The following VPS35 variants were observed in gnomAD, a reference collection of about 807,000 sequenced individuals.
VPS35 encodes the protein vacuolar protein sorting-associated protein 35.
In VPS35, 21 loss-of-function variants were observed where a neutral mutation model predicts 98.1. That is an observed-to-expected ratio of 0.21 (90% CI 0.15 to 0.31). The LOEUF (loss-of-function observed/expected upper bound fraction) is 0.31, where lower values mean the gene tolerates loss of function less well. Ranked by LOEUF, VPS35 falls within the 10% of genes least tolerant of loss-of-function variation. The probability of loss-of-function intolerance (pLI) is 1.00; values close to 1 mark genes in which losing one functional copy is unlikely to be tolerated. For missense variants in VPS35, 554 were observed against 950.8 expected (o/e 0.58, Z 5.49); for synonymous variants, 268 against 318.2 (o/e 0.84, Z 1.68).
In VPS35 at chr16:46,659,406, T is replaced by G. The variant is rs1596707295; in HGVS notation, c.*1066A>C. The G allele has an allele frequency of 6.6e-6, 1 of 152,206 alleles. No homozygotes were observed. Among genetic ancestry groups the G allele is most frequent in the Non-Finnish European group, 1.5e-5 (1 of 68,038 alleles). 9.4% of individuals were successfully genotyped at this position (152,206 alleles called of 1,614,324 possible). On this transcript the variant is annotated 3_prime_UTR_variant, in exon 17 of 17. Transcript: ENST00000299138. Reference sequence around the variant, plus strand: ...TTTAAGACAGTAAGTTTTGGGATGGTTTATTATATAGTAGGTAACTAGTAT... The same window carrying G: ...TTTAAGACAGTAAGTTTTGGGATGGGTTATTATATAGTAGGTAACTAGTAT...
At position 46,668,903 on chromosome 16, in the gene VPS35, T is replaced by C. The variant is rs779712913; in HGVS notation, c.1647+27A>G. On this transcript the variant is annotated intron_variant, in intron 13 of 16. Transcript: ENST00000299138. ...CAGAGTGATGAAAGAGGAAAAAAAG[T>C]ACCTAAATACTTAAAAGTAAACTCA... 1.9e-6 allele frequency: 3 copies of C among 1,613,474 alleles called. No individual in the cohort carries two copies. In the South Asian group the frequency reaches 3.3e-5, roughly 18 times the overall value.
chr16:46,658,690 A>T lies in VPS35; in HGVS notation c.*1782T>A, dbSNP rs1965864812. On this transcript the variant is annotated 3_prime_UTR_variant, in exon 17 of 17. Coordinates refer to ENST00000299138, the MANE Select transcript of VPS35 (RefSeq NM_018206.6). ...TAATCAGGTTTATACGGGGTAAACT[A>T]ACACCTACAAAGAACAGAAAGGGTT... 2 of 152,348 alleles carry T rather than the reference A, an allele frequency of 1.3e-5. No individual in the cohort carries two copies. Among genetic ancestry groups the T allele is most frequent in the African/African-American group, 4.8e-5 (2 of 41,462 alleles). The allele number at this position is 152,348 out of a possible 1,614,324, so 9.4% of individuals were successfully genotyped here. A position where few individuals can be genotyped will look rare whatever the true frequency, so the allele number is the denominator to read the frequency against.
intron 1 of VPS35, among the ~76,000 whole-genome samples, chr16:46,685,356 C>G (rs1364215850): frequency 1.3e-5 from 2 of 152,034 alleles, no homozygotes; most frequent in Non-Finnish European, 2.9e-5. Context: ...AACATAAAAC[C>G]CACTTCTGAA....
chr16:46,676,406 G>A (rs1966153333), intron 8 of VPS35, 177 bp downstream of exon 8: 1 of 594,170 alleles, frequency 1.7e-6, no homozygotes, highest in East Asian at 2.9e-5. Flanking sequence ...CCTCTTTCAT[G>A]TCTAACCTAG....
At chr16:46,671,614 A>C (rs1567265520) in intron 12 of VPS35, 91 bp downstream of exon 12, 1 of 1,549,682 alleles carries the variant, frequency 6.5e-7, no homozygotes, top group Admixed American at 1.8e-5. Context: ...AAACCATCTA[A>C]GACCAGAAAG....
chr16:46,681,752 A>T, intron 3 of VPS35: 1 of 551,672 alleles, frequency 1.8e-6, no homozygotes, highest in Non-Finnish European at 3.2e-6. Context: ...TGAAATGGCA[A>T]ATGATTAAAT....
chr16:46,672,535 T>A (rs1966085124), intron 10 of VPS35, 63 bp from the exon 11 acceptor site: 1 of 1,442,612 alleles, frequency 6.9e-7, no homozygotes, highest in Non-Finnish European at 9.7e-7. Context: ...ACAAATAGCA[T>A]TTGTTCCATA....
intron 13 of VPS35, 64 bp downstream of exon 13, chr16:46,668,866 C>T (rs1966026942): frequency 5.1e-6 from 8 of 1,559,828 alleles, no homozygotes; most frequent in Non-Finnish European, 6.1e-6. Context: ...ATAAAACAAA[C>T]ACACACACAC....
intron 6 of VPS35, among the ~76,000 whole-genome samples, chr16:46,678,115 G>A (rs1966178357): frequency 6.6e-6 from 1 of 152,144 alleles, no homozygotes; most frequent in Admixed American, 6.5e-5. Flanking sequence ...AAACTGAGCT[G>A]CTGCTTGTTT....
In VPS35 at chr16:46,660,184, G is replaced by GGT. The variant is rs1555522760; in HGVS notation, c.*287_*288insAC. ...TAGTAGCCAAGATAAGTGCTTGTGGGTTTTGTGTTTTTTTTTTTTTTTTTT... is the reference window on the plus strand; with the variant it reads ...TAGTAGCCAAGATAAGTGCTTGTGGGGTTTTTGTGTTTTTTTTTTTTTTTTTT... On this transcript the variant is annotated 3_prime_UTR_variant, in exon 17 of 17. Coordinates refer to ENST00000299138, the MANE Select transcript of VPS35 (RefSeq NM_018206.6). The GGT allele has an allele frequency of 2.1e-4, 14 of 68,108 alleles. No individual in the cohort carries two copies. Among genetic ancestry groups the GGT allele is most frequent in the Middle Eastern group, 4.5e-3 (1 of 224 alleles). The allele number at this position is 68,108 out of a possible 1,614,324, so 4.2% of individuals were successfully genotyped here. A position where few individuals can be genotyped will look rare whatever the true frequency, so the allele number is the denominator to read the frequency against.
Position 46,676,682 on chromosome 16 carries a change from T to A in VPS35, c.815A>T (p.Asp272Val). The A allele has an allele frequency of 6.2e-7, 1 of 1,611,220 alleles. No individual in the cohort carries two copies. Among genetic ancestry groups the A allele is most frequent in the Non-Finnish European group, 8.5e-7 (1 of 1,177,550 alleles). Residue 272 changes from aspartate to valine, a missense_variant, in exon 8 of 17, where the codon GAT becomes GTT. Asp to Val is a radical substitution (Grantham distance 152). Around this residue, in one of 5 missense-constraint regions of VPS35, gnomAD observed 77 missense variants for 222.3 expected, o/e 0.35. Transcript: ENST00000299138. ...LMECIIQVFP[D>V]EFHLQTLNPF... Reference sequence around the variant, plus strand: ...ATTCAAAGTCTGGAGGTGAAATTCATCAGGGAAAACCTGAAAATCAAATGA... The same window carrying A: ...ATTCAAAGTCTGGAGGTGAAATTCAACAGGGAAAACCTGAAAATCAAATGA...
chr16:46,665,640 G>C (rs250419), intron 13 of VPS35, among the ~76,000 whole-genome samples: 149,303 of 151,532 alleles, frequency 0.99, 73,579 homozygotes, highest in East Asian at 1. Context: ...TGGCACAGTG[G>C]GTGACAACAC....
intron 13 of VPS35, among the ~76,000 whole-genome samples, chr16:46,664,801 G>T (rs144341054): frequency 1.3e-5 from 2 of 152,154 alleles, no homozygotes; most frequent in East Asian, 3.8e-4. Flanking sequence ...GATTACAGGC[G>T]TGAGCCACTG....
In VPS35 at chr16:46,681,648, G is replaced by A. The variant is rs537417650; in HGVS notation, c.200-148C>T. On this transcript the variant is annotated intron_variant, in intron 3 of 16. Transcript: ENST00000299138. The stretch of plus-strand genomic sequence containing the variant: ...TTCAAGCGAAGGATGAATTTTAGCC[G>A]GACTTTTCTTACTTTAAAATAAGGG... The A allele has an allele frequency of 7.9e-5, 75 of 943,420 alleles. No homozygotes were observed. In the East Asian group the frequency reaches 1.7e-3, roughly 21 times the overall value. 58.4% of individuals were successfully genotyped at this position (943,420 alleles called of 1,614,324 possible).
At chr16:46,677,683 G>C in intron 6 of VPS35, 1 of 395,492 alleles carries the variant, frequency 2.5e-6, no homozygotes, top group Non-Finnish European at 4.7e-6. Context: ...CTACAGGTAC[G>C]TTCCACCATG....
Position 46,658,540 on chromosome 16 carries a change from C to T in VPS35, c.*1932G>A, listed in dbSNP as rs1348990767. The T allele has an allele frequency of 2.0e-5, 3 of 153,544 alleles. No individual in the cohort carries two copies. Among genetic ancestry groups the T allele is most frequent in the Non-Finnish European group, 4.4e-5 (3 of 68,046 alleles). The allele number at this position is 153,544 out of a possible 1,614,324, so 9.5% of individuals were successfully genotyped here. On this transcript the variant is annotated 3_prime_UTR_variant, in exon 17 of 17. Coordinates refer to ENST00000299138, the MANE Select transcript of VPS35 (RefSeq NM_018206.6). ...CCCAGAAAATAAGAGATAATTTACA[C>T]ACTGTACTGACATTACCTTACTTGC...
In VPS35 at chr16:46,657,338, T is replaced by C. The variant is rs1965851584; in HGVS notation, c.*3134A>G. On this transcript the variant is annotated 3_prime_UTR_variant, in exon 17 of 17. Coordinates refer to ENST00000299138, the MANE Select transcript of VPS35 (RefSeq NM_018206.6). ...GAATTCCCATTGTCAAAGACAATTC[T>C]GTTGGGAAATCCTTTCTGCTTGAGC... The C allele has an allele frequency of 6.6e-6, 1 of 152,220 alleles. No individual in the cohort carries two copies. Among genetic ancestry groups the C allele is most frequent in the Non-Finnish European group, 1.5e-5 (1 of 68,040 alleles). The allele number at this position is 152,220 out of a possible 1,614,324, so 9.4% of individuals were successfully genotyped here. A position where few individuals can be genotyped will look rare whatever the true frequency, so the allele number is the denominator to read the frequency against.
chr16:46,671,802 A>G lies in VPS35; in HGVS notation c.1427T>C (p.Val476Ala), dbSNP rs373113084. The change falls in exon 12 of 17, where the codon GTA (valine) becomes GCA (alanine). Residue 476 changes from valine to alanine, a missense_variant. Physicochemically the swap from Val to Ala is moderately conservative, Grantham distance 64. Coordinates refer to ENST00000299138, the MANE Select transcript of VPS35 (RefSeq NM_018206.6). ...TLIQDQPDQP[V>A]EDPDPEDFAD... The stretch of plus-strand genomic sequence containing the variant: ...AAAATCTTCTGGATCAGGGTCTTCT[A>G]CAGGTTGATCTGGCTGATCTTGAAT... 149 of 1,613,826 alleles carry G rather than the reference A, an allele frequency of 9.2e-5. No homozygotes were observed. Among genetic ancestry groups the G allele is most frequent in the Non-Finnish European group, 1.2e-4 (140 of 1,180,010 alleles).
chr16:46,675,143 G>T (rs576550894), intron 8 of VPS35, among the ~76,000 whole-genome samples: 1 of 144,888 alleles, frequency 6.9e-6, no homozygotes, highest in South Asian at 2.1e-4. Flanking sequence ...TTTTTCATCA[G>T]CATTCTTATT....
Sources: gnomAD v4.1 joint callset for allele counts (sites outside exome capture counted in the v4.1 genomes callset) on GRCh38, gnomAD v4.1.1 for gene constraint, gnomAD v4.1.1 regional missense constraint, MANE v1.5 for transcripts, NCBI Gene and HGNC (gene_info 2026-07-23, HGNC 2026-07-21) for gene names.